Variants in CDK14 observed in about 807,000 individuals in gnomAD.
CDK14 encodes the protein cyclin dependent kinase 14.
Under a neutral mutation model 60.7 loss-of-function variants are expected in CDK14, and 34 were observed. The observed-to-expected ratio is 0.56, with a 90% CI of 0.43 to 0.75. CDK14 has a LOEUF of 0.75. Among genes scored for constraint, CDK14 ranks in the 30% least tolerant of loss-of-function variants. The pLI is 0.00. For synonymous variants in CDK14, 197 were observed against 203.7 expected, an observed-to-expected ratio of 0.97 and a Z score of 0.28; for missense variants, 482 against 564.1, an observed-to-expected ratio of 0.85 and a Z score of 1.47.
At chr7:90,964,135 A>G (rs187133100) in intron 9 of CDK14, among the ~76,000 whole-genome samples, 7 of 152,322 alleles carry the variant, frequency 4.6e-5, no homozygotes, top group Non-Finnish European at 8.8e-5. Flanking sequence ...AGATGTCTTC[A>G]TAGAAGTATG....
intron 10 of CDK14, among the ~76,000 whole-genome samples, chr7:91,029,477 T>G (rs1306432633): frequency 1.3e-5 from 2 of 152,014 alleles, no homozygotes; most frequent in African/African-American, 4.8e-5. Flanking sequence ...TTTGTTTGTA[T>G]CATTTCTGTT....
At chr7:91,101,321 C>T (rs533110397) in intron 12 of CDK14, among the ~76,000 whole-genome samples, 26 of 152,224 alleles carry the variant, frequency 1.7e-4, no homozygotes, top group Admixed American at 1.7e-3. Flanking sequence ...CTTTGATCAT[C>T]TGGATCAAAT....
intron 11 of CDK14, among the ~76,000 whole-genome samples, chr7:91,074,757 T>G (rs747930534): frequency 2.0e-5 from 3 of 149,576 alleles, no homozygotes; most frequent in Non-Finnish European, 4.5e-5. Context: ...CTAGATAGAC[T>G]AATGAAAAGA....
intron 2 of CDK14, among the ~76,000 whole-genome samples, chr7:90,657,560 G>A (rs1800776530): frequency 6.6e-6 from 1 of 152,152 alleles, no homozygotes; most frequent in Non-Finnish European, 1.5e-5. Flanking sequence ...GCTGTTGAAT[G>A]TGGTAGGCAC....
intron 13 of CDK14, among the ~76,000 whole-genome samples, chr7:91,113,207 A>G (rs758149818): frequency 2.0e-5 from 3 of 152,258 alleles, no homozygotes; most frequent in Non-Finnish European, 2.9e-5. Flanking sequence ...AAGGGCTGCT[A>G]TGCAGCGAGC....
At chr7:90,775,636 TTCCCCTCCCCCTTCCCCTC>T (rs1805001279) in intron 4 of CDK14, among the ~76,000 whole-genome samples, 1 of 22,464 alleles carries the variant, frequency 4.5e-5, no homozygotes, top group African/African-American at 1.6e-4. Flanking sequence ...CCCCTCCCCC[TTCCCCTCCCCCTTCCCCTC>T]CCCCTTTCTC....
chr7:90,738,758 A>T (rs552256224), intron 3 of CDK14, among the ~76,000 whole-genome samples: 1 of 152,316 alleles, frequency 6.6e-6, no homozygotes, highest in South Asian at 2.1e-4. Context: ...AAAAAGCCAA[A>T]GATAATGTTT....
At chr7:90,842,474 A>G (rs1020674876) in intron 5 of CDK14, among the ~76,000 whole-genome samples, 3 of 152,190 alleles carry the variant, frequency 2.0e-5, no homozygotes, top group Non-Finnish European at 4.4e-5. Context: ...GGCAGAAAGG[A>G]AGGGTGTTAG....
At chr7:90,959,868 G>T (rs569608136) in intron 9 of CDK14, among the ~76,000 whole-genome samples, 2 of 152,216 alleles carry the variant, frequency 1.3e-5, no homozygotes, top group East Asian at 1.9e-4. Context: ...GATAGTTTTT[G>T]ATTGTTTTAT....
At chr7:91,097,344 G>A (rs944669221) in intron 12 of CDK14, among the ~76,000 whole-genome samples, 10 of 151,710 alleles carry the variant, frequency 6.6e-5, no homozygotes, top group African/African-American at 1.2e-4. Context: ...TCGCACCATT[G>A]CACTCCAGCC....
chr7:90,740,231 A>G (rs895528850), intron 3 of CDK14, among the ~76,000 whole-genome samples: 19 of 148,430 alleles, frequency 1.3e-4, no homozygotes, highest in African/African-American at 4.5e-4. Flanking sequence ...ATATACATAT[A>G]TATGTGTATG....
intron 5 of CDK14, among the ~76,000 whole-genome samples, chr7:90,859,829 T>C (rs1414665995): frequency 6.6e-6 from 1 of 152,162 alleles, no homozygotes; most frequent in African/African-American, 2.4e-5. Context: ...TGCCAAGGGA[T>C]CAAGGACCTG....
intron 5 of CDK14, among the ~76,000 whole-genome samples, chr7:90,848,459 G>T (rs1015427936): frequency 6.6e-6 from 1 of 152,168 alleles, no homozygotes; most frequent in Non-Finnish European, 1.5e-5. Context: ...AGTATGGCCT[G>T]GGAACTAGAC....
chr7:90,709,990 G>A (rs919975028), intron 2 of CDK14: 2 of 998,938 alleles, frequency 2.0e-6, no homozygotes, highest in Non-Finnish European at 1.2e-6. Context: ...TTACAGGAGG[G>A]GTTTTAATTT....
chr7:91,062,584 G>A (rs1584278827), intron 11 of CDK14, among the ~76,000 whole-genome samples: 2 of 151,976 alleles, frequency 1.3e-5, no homozygotes, highest in East Asian at 1.9e-4. Flanking sequence ...ACAGAATAAT[G>A]GCAAAAATTT....
intron 7 of CDK14, among the ~76,000 whole-genome samples, chr7:90,900,468 G>C (rs1409449272): frequency 6.6e-6 from 1 of 152,026 alleles, no homozygotes; most frequent in Non-Finnish European, 1.5e-5. Flanking sequence ...TATTAATCTT[G>C]TCTATGTTCA....
chr7:91,003,492 C>T (rs1274952258), intron 10 of CDK14, among the ~76,000 whole-genome samples: 1 of 152,172 alleles, frequency 6.6e-6, no homozygotes, highest in African/African-American at 2.4e-5. Context: ...TTGTTCCTTT[C>T]TCATGTGTAA....
chr7:90,954,569 A>G (rs1478068646), intron 8 of CDK14, among the ~76,000 whole-genome samples: 1 of 151,862 alleles, frequency 6.6e-6, no homozygotes, highest in East Asian at 1.9e-4. Flanking sequence ...CCCATATTCC[A>G]GAGGTAACCA....
chr7:91,027,786 C>CT (rs1562873993), intron 10 of CDK14, among the ~76,000 whole-genome samples: 4 of 7,500 alleles, frequency 5.3e-4, no homozygotes, highest in African/African-American at 7.3e-4. Flanking sequence ...CCTCCCCTCC[C>CT]CTCCCCTCCC....
Sources: allele counts gnomAD v4.1 joint callset (sites outside exome capture counted in the v4.1 genomes callset), GRCh38; gene constraint gnomAD v4.1.1; transcripts MANE v1.5; gene names NCBI Gene and HGNC (gene_info 2026-07-23, HGNC 2026-07-21).